The following DLG5 variants were observed in gnomAD, a reference collection of about 807,000 sequenced individuals.
The protein encoded by DLG5 is disks large homolog 5.
DLG5 carries 48 observed loss-of-function variants against 189.8 expected under a neutral mutation model. The observed-to-expected ratio is 0.25, with a 90% CI of 0.20 to 0.32. DLG5 has a LOEUF of 0.32. Ranked by LOEUF, DLG5 falls within the 10% of genes least tolerant of loss-of-function variation. The pLI is 1.00. For missense variants in DLG5, 2,160 were observed against 2,544.7 expected (o/e 0.85, Z 3.25); for synonymous variants, 1,016 against 1,054.1 (o/e 0.96, Z 0.70).
chr10:77,910,051 G>T (rs1846174326), intron 1 of DLG5, among the ~76,000 whole-genome samples: 1 of 152,136 alleles, frequency 6.6e-6, no homozygotes. Flanking sequence ...GCCAGCATCA[G>T]ACCCATTCCC....
chr10:77,897,590 G>T (rs1292644102), intron 1 of DLG5, among the ~76,000 whole-genome samples: 1 of 151,526 alleles, frequency 6.6e-6, no homozygotes, highest in Non-Finnish European at 1.5e-5. Flanking sequence ...TTGGGAGACC[G>T]AGGTGGGTCA....
intron 1 of DLG5, among the ~76,000 whole-genome samples, chr10:77,909,984 C>T (rs978392329): frequency 2.6e-5 from 4 of 152,238 alleles, no homozygotes; most frequent in South Asian, 4.2e-4. Context: ...GAAGAAGCCA[C>T]GGCAGCCAGC....
intron 5 of DLG5, among the ~76,000 whole-genome samples, chr10:77,844,013 C>A (rs937344907): frequency 6.6e-6 from 1 of 152,182 alleles, no homozygotes; most frequent in South Asian, 2.1e-4. Flanking sequence ...TACCGAATGG[C>A]GTCTAGGAAC....
intron 1 of DLG5, among the ~76,000 whole-genome samples, chr10:77,902,481 G>C (rs1178818273): frequency 3.3e-5 from 5 of 152,160 alleles, no homozygotes; most frequent in Non-Finnish European, 5.9e-5. Context: ...TGTAAGTACA[G>C]AAAAAATGGG....
intron 8 of DLG5, 54 bp from the exon 9 acceptor site, chr10:77,834,093 T>C: frequency 6.3e-7 from 1 of 1,576,046 alleles, no homozygotes; most frequent in Admixed American, 1.7e-5. Context: ...GGAAGGGGGT[T>C]CCTGGTCTGC....
At position 77,836,227 on chromosome 10, in the gene DLG5, A is replaced by C. The variant is rs374780497; in HGVS notation, c.1438-305T>G. On this transcript the variant is annotated intron_variant, in intron 7 of 31. Coordinates refer to ENST00000372391, the MANE Select transcript of DLG5 (RefSeq NM_004747.4). ...TGCTGTGTATCTCAGTTCATTTAAA[A>C]AGCTGAAATCCAAAGCATTTGCATC... 1.4e-4 allele frequency among the ~76,000 whole-genome samples: 21 copies of C among 152,296 alleles called. 3 individuals carry two copies. Among genetic ancestry groups the C allele is most frequent in the East Asian group, 7.7e-4 (4 of 5,180 alleles).
intron 22 of DLG5, 23 bp downstream of exon 22, chr10:77,811,901 G>T (rs751911069): frequency 6.9e-6 from 11 of 1,592,534 alleles, no homozygotes; most frequent in Non-Finnish European, 9.4e-6. Context: ...CAGCCCAGAC[G>T]GCCCTGGGAG....
chr10:77,910,250 CATT>C (rs1846180683), intron 1 of DLG5, among the ~76,000 whole-genome samples: 1 of 152,156 alleles, frequency 6.6e-6, no homozygotes, highest in South Asian at 2.1e-4. Flanking sequence ...TAAAGGTAGT[CATT>C]ATCAAAAAAC....
intron 5 of DLG5, 147 bp downstream of exon 5, chr10:77,853,207 A>C: frequency 7.7e-6 from 5 of 648,070 alleles, no homozygotes; most frequent in Non-Finnish European, 1.1e-5. Flanking sequence ...CATCTCAAGC[A>C]ATCTCTCACC....
At position 77,798,303 on chromosome 10, in the gene DLG5, G is replaced by A. The variant is rs184770323; in HGVS notation, c.5165-1709C>T. ...CTCTGTTGTTTAAAACTGGAGGAGG[G>A]TTTGGTGGTCACATTCACCACCTTG... On this transcript the variant is annotated intron_variant, in intron 27 of 31. Transcript: ENST00000372391. Among the ~76,000 whole-genome samples, 358 of 152,322 alleles carry A rather than the reference G, an allele frequency of 2.4e-3. 1 individual carries two copies. Among genetic ancestry groups the A allele is most frequent in the African/African-American group, 8.1e-3 (335 of 41,564 alleles).
At chr10:77,889,708 C>A (rs1021595917) in intron 1 of DLG5, among the ~76,000 whole-genome samples, 1 of 152,162 alleles carries the variant, frequency 6.6e-6, no homozygotes, top group African/African-American at 2.4e-5. Flanking sequence ...TCATCTGCCT[C>A]CGTATCTTTA....
chr10:77,816,597 T>C lies in DLG5; in HGVS notation c.3979A>G (p.Arg1327Gly). The change falls in exon 20 of 32, where the codon AGA becomes GGA. Residue 1327 changes from arginine to glycine, a missense_variant. This residue lies in a region of DLG5 where 754 missense variants were observed against 746.5 expected (regional missense o/e 1.01). Transcript: ENST00000372391. ...AGGGACGCGGGGTTGACAGCGATTC[T>C]GGGCAATGTGGAGGCTGAGGTCTGG... ...QSQTSASTLP[R>G]IAVNPASLGE... is the part of the protein sequence containing the mutation. The C allele has an allele frequency of 6.2e-7, 1 of 1,614,188 alleles. No homozygotes were observed. The highest frequency in any genetic ancestry group is 8.5e-7 in the Non-Finnish European group (1 of 1,180,036).
intron 15 of DLG5, chr10:77,820,228 C>T (rs1231819459): frequency 1.8e-6 from 1 of 565,000 alleles, no homozygotes; most frequent in Admixed American, 3.6e-5. Flanking sequence ...TGCCTGTAAT[C>T]CCAGCTACTT....
intron 15 of DLG5, chr10:77,820,809 T>C (rs1842306960): frequency 2.1e-6 from 1 of 487,550 alleles, no homozygotes. Flanking sequence ...GGTTTTATTG[T>C]GTAAGTTCAA....
At chr10:77,898,319 G>C (rs1056443412) in intron 1 of DLG5, among the ~76,000 whole-genome samples, 18 of 152,218 alleles carry the variant, frequency 1.2e-4, no homozygotes, top group African/African-American at 4.1e-4. Context: ...GAAGGAGAGA[G>C]AAAAAGGGAA....
intron 9 of DLG5, among the ~76,000 whole-genome samples, chr10:77,831,201 T>C (rs553649476): frequency 6.6e-6 from 1 of 152,222 alleles, no homozygotes; most frequent in Non-Finnish European, 1.5e-5. Context: ...AGTCAGGAGT[T>C]TGAGACCAGC....
At chr10:77,876,544 T>A (rs1564569510) in intron 1 of DLG5, among the ~76,000 whole-genome samples, 1 of 151,908 alleles carries the variant, frequency 6.6e-6, no homozygotes, top group Non-Finnish European at 1.5e-5. Flanking sequence ...CTGGCTATTT[T>A]GTATTTTTTA....
intron 3 of DLG5, among the ~76,000 whole-genome samples, chr10:77,855,282 G>A (rs187894854): frequency 7.2e-5 from 11 of 152,192 alleles, no homozygotes; most frequent in African/African-American, 2.7e-4. Context: ...GTCACAAATA[G>A]ACATTCTCAG....
intron 1 of DLG5, among the ~76,000 whole-genome samples, chr10:77,882,493 C>T (rs1162176152): frequency 1.3e-5 from 2 of 152,172 alleles, no homozygotes; most frequent in Non-Finnish European, 2.9e-5. Flanking sequence ...CCCAGTCTTC[C>T]TTCATGCTTC....
Sources: gnomAD v4.1 joint callset for allele counts (sites outside exome capture counted in the v4.1 genomes callset) on GRCh38, gnomAD v4.1.1 for gene constraint, gnomAD v4.1.1 regional missense constraint, MANE v1.5 for transcripts, NCBI Gene and HGNC (gene_info 2026-07-23, HGNC 2026-07-21) for gene names.